AK8: variants seen among roughly 807,000 people sequenced by gnomAD.
The protein encoded by AK8 is ATP-AMP transphosphorylase 8.
AK8 carries 44 observed loss-of-function variants against 54.6 expected under a neutral mutation model. That is an observed-to-expected ratio of 0.81 (90% CI 0.63 to 1.04). The LOEUF is 1.04. Among genes scored for constraint, AK8 ranks in the 50% least tolerant of loss-of-function variants. AK8 has a pLI of 0.00. For missense variants in AK8, 555 were observed against 613.6 expected (o/e 0.90, Z 1.01); for synonymous variants, 239 against 245.6 (o/e 0.97, Z 0.25).
rs184681808 is a variant in AK8 at position 132,762,689 on chromosome 9, A to T, written c.1121+29945T>A. The stretch of plus-strand genomic sequence containing the variant: ...GAGGCTGAGGCGGGCGGATCACCTG[A>T]GGTCAGGAGTTCCAGACCAGCCTGG... On this transcript the variant is annotated intron_variant, in intron 11 of 12. Transcript: ENST00000298545. 3.1e-3 allele frequency among the ~76,000 whole-genome samples: 468 copies of T among 152,224 alleles called. 1 individual carries two copies. Among genetic ancestry groups the T allele is most frequent in the Middle Eastern group, 0.01 (3 of 294 alleles).
intron 5 of AK8, among the ~76,000 whole-genome samples, chr9:132,830,177 G>A (rs1035234864): frequency 6.6e-6 from 1 of 152,206 alleles, no homozygotes; most frequent in Non-Finnish European, 1.5e-5. Flanking sequence ...GCCTGGTATT[G>A]TATGAATTGA....
At chr9:132,855,653 G>A (rs182845162) in intron 4 of AK8, among the ~76,000 whole-genome samples, 1 of 152,194 alleles carries the variant, frequency 6.6e-6, no homozygotes, top group African/African-American at 2.4e-5. Context: ...AAGCCCTGTC[G>A]ACCATAATGA....
At chr9:132,740,643 C>T (rs568219689) in intron 11 of AK8, among the ~76,000 whole-genome samples, 12 of 152,218 alleles carry the variant, frequency 7.9e-5, no homozygotes, top group East Asian at 5.8e-4. Flanking sequence ...GTCGGCTCCC[C>T]GTTTGGATTT....
chr9:132,821,116 G>A (rs1255080476), intron 9 of AK8, among the ~76,000 whole-genome samples: 8 of 150,856 alleles, frequency 5.3e-5, no homozygotes, highest in South Asian at 4.2e-4. Context: ...TGTGCTGAAC[G>A]CAATTTGAAT....
chr9:132,865,372 G>A (rs138066335), intron 3 of AK8, among the ~76,000 whole-genome samples: 7 of 152,298 alleles, frequency 4.6e-5, no homozygotes, highest in South Asian at 2.1e-4. Flanking sequence ...CAGTTAAACC[G>A]GGGAACAGCC....
At chr9:132,763,721 C>G (rs144178229) in intron 11 of AK8, among the ~76,000 whole-genome samples, 1 of 152,224 alleles carries the variant, frequency 6.6e-6, no homozygotes. Flanking sequence ...CACTTGGCAG[C>G]GCTGGTGTCA....
chr9:132,803,395 T>C lies in AK8; in HGVS notation c.980-10620A>G, dbSNP rs1840558137. 1.3e-5 allele frequency among the ~76,000 whole-genome samples: 1 copy of C among 78,454 alleles called. No individual in the cohort carries two copies. Among genetic ancestry groups the C allele is most frequent in the Non-Finnish European group, 2.8e-5 (1 of 35,888 alleles). 51.5% of individuals were successfully genotyped at this position (78,454 alleles called of 152,430 possible). A position where few individuals can be genotyped will look rare whatever the true frequency, so the allele number is the denominator to read the frequency against. On this transcript the variant is annotated intron_variant, in intron 10 of 12. Coordinates refer to ENST00000298545, the MANE Select transcript of AK8 (RefSeq NM_152572.3). The surrounding 1 kb of genome is among the most constrained non-coding windows in gnomAD (Gnocchi z 4.4). Reference sequence around the variant, plus strand: ...ATAAATAAATATAAAAAATCCCCCATATATAAAATATATTCACACCCGACA... The same window carrying C: ...ATAAATAAATATAAAAAATCCCCCACATATAAAATATATTCACACCCGACA...
In AK8 at chr9:132,799,890, C is replaced by T. The variant is rs952548761; in HGVS notation, c.980-7115G>A. ...GGGAGGCTGGCATTTGCTTCTCTTT[C>T]TCCTGTGGTCCCTGGGTCCCTGGGT... On this transcript the variant is annotated intron_variant, in intron 10 of 12. Transcript: ENST00000298545. This position sits in a 1 kb window ranked among gnomAD's most constrained non-coding sequence, Gnocchi z 5.0. Among the ~76,000 whole-genome samples the T allele has an allele frequency of 5.9e-5, 9 of 152,134 alleles. No homozygotes were observed. Among genetic ancestry groups the T allele is most frequent in the Non-Finnish European group, 1.0e-4 (7 of 68,024 alleles).
chr9:132,869,390 G>A (rs961923835), intron 2 of AK8, among the ~76,000 whole-genome samples: 1 of 152,156 alleles, frequency 6.6e-6, no homozygotes, highest in African/African-American at 2.4e-5. Context: ...GCATGGTGCC[G>A]CCATCAACCA....
intron 11 of AK8, among the ~76,000 whole-genome samples, chr9:132,773,185 C>G (rs1302818171): frequency 6.6e-6 from 1 of 152,210 alleles, no homozygotes; most frequent in Non-Finnish European, 1.5e-5. Flanking sequence ...AGTTGCCAGG[C>G]ACATTCCTAA....
At chr9:132,778,882 T>A (rs1445235866) in intron 11 of AK8, among the ~76,000 whole-genome samples, 9 of 151,716 alleles carry the variant, frequency 5.9e-5, no homozygotes, top group Admixed American at 1.3e-4. Flanking sequence ...AAAAAAAAAA[T>A]TTCCAGTTTT....
chr9:132,802,683 A>C (rs183368312), intron 10 of AK8, among the ~76,000 whole-genome samples: 1 of 152,326 alleles, frequency 6.6e-6, no homozygotes, highest in East Asian at 1.9e-4. Flanking sequence ...AACGTGGAGA[A>C]AAACCAAGGA....
rs546914602 is a variant in AK8, at chr9:132,759,387, T to C, written c.1122-31853A>G. Reference sequence around the variant, plus strand: ...TGGTTGCAACTAGCCTATCCCAGATTGAGTCTTTTCATTCTTCAGATGAAT... The same window carrying C: ...TGGTTGCAACTAGCCTATCCCAGATCGAGTCTTTTCATTCTTCAGATGAAT... On this transcript the variant is annotated intron_variant, in intron 11 of 12. Coordinates refer to ENST00000298545, the MANE Select transcript of AK8 (RefSeq NM_152572.3). Among the ~76,000 whole-genome samples the C allele has an allele frequency of 5.9e-5, 9 of 152,316 alleles. No homozygotes were observed. The South Asian group carries it at 1.0e-3, about 18-fold the overall frequency.
chr9:132,734,741 A>G (rs1055866258), intron 11 of AK8, among the ~76,000 whole-genome samples: 4 of 152,094 alleles, frequency 2.6e-5, no homozygotes, highest in Non-Finnish European at 5.9e-5. Context: ...GTCTAAATAC[A>G]TAAATAGGTT....
chr9:132,878,598 T>C, upstream of AK8: 1 of 1,091,428 alleles, frequency 9.2e-7, no homozygotes, highest in Non-Finnish European at 1.1e-6. The surrounding 1 kb of genome is among the most constrained non-coding windows in gnomAD (Gnocchi z 4.7). Context: ...CAGAACCTGC[T>C]TCTGGTTCTG....
chr9:132,778,875 A>G (rs1398157665), intron 11 of AK8, among the ~76,000 whole-genome samples: 1 of 152,142 alleles, frequency 6.6e-6, no homozygotes, highest in Non-Finnish European at 1.5e-5. Context: ...AATTGAAAAA[A>G]AAAAAATTTC....
At chr9:132,874,991 T>C in intron 2 of AK8, 124 bp downstream of exon 2, 1 of 1,259,288 alleles carries the variant, frequency 7.9e-7, no homozygotes, top group Non-Finnish European at 1.1e-6. Context: ...GCTCAGCTAT[T>C]CTCGGGATGG....
chr9:132,779,507 G>C (rs1839371279), intron 11 of AK8, among the ~76,000 whole-genome samples: 1 of 152,194 alleles, frequency 6.6e-6, no homozygotes, highest in African/African-American at 2.4e-5. Flanking sequence ...CTTGTTATGT[G>C]AGAACAGGCG....
upstream of AK8, chr9:132,878,529 A>G (rs1844264774): frequency 2.5e-6 from 3 of 1,181,266 alleles, no homozygotes; most frequent in Non-Finnish European, 3.1e-6. The surrounding 1 kb of genome is among the most constrained non-coding windows in gnomAD (Gnocchi z 4.7). Context: ...GCCTCCTCGT[A>G]TCTGAGACCC....
Sources: allele counts gnomAD v4.1 joint callset (sites outside exome capture counted in the v4.1 genomes callset), GRCh38; gene constraint gnomAD v4.1.1; non-coding constraint Gnocchi (gnomAD v3.1); transcripts MANE v1.5; gene names NCBI Gene and HGNC (gene_info 2026-07-23, HGNC 2026-07-21).